GNAQ: variants seen among roughly 807,000 people sequenced by gnomAD.
GNAQ encodes the protein guanine nucleotide-binding protein G(q) subunit alpha.
A neutral mutation model predicts 43.9 loss-of-function variants in GNAQ; 8 were observed. The ratio of observed to expected loss-of-function variants is 0.18; its 90% CI spans 0.11 to 0.33. The LOEUF (loss-of-function observed/expected upper bound fraction) is 0.33. Among genes scored for constraint, GNAQ ranks in the 10% least tolerant of loss-of-function variants. GNAQ has a pLI of 1.00. For missense variants in GNAQ, 158 were observed against 450.8 expected, an observed-to-expected ratio of 0.35 and a Z score of 5.88; for synonymous variants, 155 against 170.7, an observed-to-expected ratio of 0.91 and a Z score of 0.71.
chr9:77,982,957 AT>A (rs777214977), intron 1 of GNAQ, among the ~76,000 whole-genome samples: 6 of 152,330 alleles, frequency 3.9e-5, no homozygotes, highest in Non-Finnish European at 7.3e-5. Context: ...TAATAAAAAA[AT>A]AAAAAAGTCA....
chr9:77,722,683 G>T (rs1825336007), intron 6 of GNAQ, among the ~76,000 whole-genome samples: 3 of 136,358 alleles, frequency 2.2e-5, no homozygotes, highest in East Asian at 2.1e-4. Context: ...TTGAGACAGG[G>T]TCTTGCTCTG....
At chr9:77,746,623 A>G (rs1418047228) in intron 5 of GNAQ, among the ~76,000 whole-genome samples, 1 of 152,172 alleles carries the variant, frequency 6.6e-6, no homozygotes, top group Non-Finnish European at 1.5e-5. Context: ...AAAAAAATAA[A>G]CGAAATTACA....
intron 1 of GNAQ, among the ~76,000 whole-genome samples, chr9:77,938,244 A>G (rs1829261867): frequency 6.6e-6 from 1 of 152,132 alleles, no homozygotes; most frequent in Non-Finnish European, 1.5e-5. Flanking sequence ...TGCATCTGAG[A>G]TTGGTTGAAT....
chr9:77,891,056 C>G (rs1383073561), intron 2 of GNAQ, among the ~76,000 whole-genome samples: 1 of 152,146 alleles, frequency 6.6e-6, no homozygotes, highest in African/African-American at 2.4e-5. Flanking sequence ...TTTATGTATC[C>G]TTGTTTCAGG....
chr9:77,902,198 T>C (rs1166366023), intron 2 of GNAQ, among the ~76,000 whole-genome samples: 1 of 152,260 alleles, frequency 6.6e-6, no homozygotes, highest in Non-Finnish European at 1.5e-5. Context: ...TTCAGAATGT[T>C]CTTACACCTT....
At chr9:77,773,032 T>C (rs764182683) in intron 5 of GNAQ, among the ~76,000 whole-genome samples, 1 of 152,258 alleles carries the variant, frequency 6.6e-6, no homozygotes, top group Non-Finnish European at 1.5e-5. Flanking sequence ...AGGCTATGGG[T>C]TGGACAAGCT....
intron 1 of GNAQ, among the ~76,000 whole-genome samples, chr9:77,973,945 T>C (rs1375004426): frequency 2.0e-5 from 3 of 152,184 alleles, no homozygotes; most frequent in African/African-American, 7.2e-5. Context: ...TAAAACTTAA[T>C]TTTCTCATAT....
intron 2 of GNAQ, among the ~76,000 whole-genome samples, chr9:77,915,562 T>G (rs765104629): frequency 4.7e-4 from 72 of 151,960 alleles, no homozygotes; most frequent in South Asian, 1.5e-3. Context: ...CATTATCTAT[T>G]TAACCCTTGA....
intron 2 of GNAQ, among the ~76,000 whole-genome samples, chr9:77,887,931 A>G (rs919122985): frequency 5.3e-5 from 8 of 152,184 alleles, no homozygotes; most frequent in African/African-American, 1.9e-4. Flanking sequence ...TCTTTTAGCA[A>G]TTATTCTAGA....
chr9:77,784,001 T>G (rs1479326837), intron 5 of GNAQ, among the ~76,000 whole-genome samples: 20 of 152,112 alleles, frequency 1.3e-4, no homozygotes, highest in Admixed American at 1.3e-3. Flanking sequence ...AATAGAGAAG[T>G]ATGGAATTAA....
chr9:77,915,723 T>C (rs1828890756), intron 2 of GNAQ, among the ~76,000 whole-genome samples: 1 of 152,190 alleles, frequency 6.6e-6, no homozygotes, highest in Admixed American at 6.5e-5. Context: ...GCTAGCTACT[T>C]CGTATATAAC....
chr9:77,831,985 C>T (rs572969680), intron 2 of GNAQ, among the ~76,000 whole-genome samples: 1 of 152,290 alleles, frequency 6.6e-6, no homozygotes, highest in South Asian at 2.1e-4. Flanking sequence ...CCTCCACTGG[C>T]TCAGTGTCAT....
intron 5 of GNAQ, among the ~76,000 whole-genome samples, chr9:77,787,714 T>A (rs116595415): frequency 0.015 from 2,293 of 152,044 alleles, 49 homozygotes; most frequent in African/African-American, 0.046. Flanking sequence ...AAGAAATGAG[T>A]GAGTTGATCA....
At chr9:77,875,896 G>C (rs1286550404) in intron 2 of GNAQ, among the ~76,000 whole-genome samples, 1 of 151,230 alleles carries the variant, frequency 6.6e-6, no homozygotes, top group South Asian at 2.1e-4. Flanking sequence ...TGAAAAGAGG[G>C]AGAAAATAAA....
intron 2 of GNAQ, among the ~76,000 whole-genome samples, chr9:77,853,597 T>C (rs1437473980): frequency 6.6e-6 from 1 of 152,218 alleles, no homozygotes; most frequent in Admixed American, 6.5e-5. Flanking sequence ...TCAGTGATTG[T>C]AGATTTTGTG....
At position 78,031,661 on chromosome 9, in the gene GNAQ, G is replaced by A. The variant is rs1222173185; in HGVS notation, c.-426C>T. 6.8e-6 allele frequency among the ~76,000 whole-genome samples: 1 copy of A among 147,490 alleles called. No individual in the cohort carries two copies. Among genetic ancestry groups the A allele is most frequent in the Admixed American group, 6.7e-5 (1 of 14,864 alleles). On this transcript the variant is annotated 5_prime_UTR_variant, in exon 1 of 7. Transcript: ENST00000286548. ...TGGCGGCGAGAGCTCATTCACCGGG[G>A]TGTCCCCGCAGCGAGCGGCCGCCGA...
intron 5 of GNAQ, among the ~76,000 whole-genome samples, chr9:77,769,124 G>A (rs1826179217): frequency 6.6e-6 from 1 of 152,154 alleles, no homozygotes; most frequent in Non-Finnish European, 1.5e-5. Flanking sequence ...AAATCGGCCT[G>A]GTGCGGTGAC....
intron 1 of GNAQ, among the ~76,000 whole-genome samples, chr9:77,929,226 T>C (rs1829112783): frequency 6.6e-6 from 1 of 152,156 alleles, no homozygotes. Flanking sequence ...TCTCTGCCTC[T>C]GGATGTATTT....
chr9:77,848,740 T>C (rs1827624897), intron 2 of GNAQ, among the ~76,000 whole-genome samples: 1 of 152,224 alleles, frequency 6.6e-6, no homozygotes, highest in Admixed American at 6.5e-5. Flanking sequence ...GTCCGCATCA[T>C]AAGTCTCACT....
Sources: allele counts gnomAD v4.1 joint callset (sites outside exome capture counted in the v4.1 genomes callset), GRCh38; gene constraint gnomAD v4.1.1; transcripts MANE v1.5; gene names NCBI Gene and HGNC (gene_info 2026-07-23, HGNC 2026-07-21).